Variants in RND1 observed in about 807,000 individuals in gnomAD.
RND1 encodes the protein rho-related GTP-binding protein Rho6.
In RND1, 9 loss-of-function variants were observed where a neutral mutation model predicts 27.1. That is an observed-to-expected ratio of 0.33 (90% CI 0.20 to 0.58). RND1 has a LOEUF of 0.58. Ranked by LOEUF, RND1 falls within the 20% of genes least tolerant of loss-of-function variation. The pLI is 0.86. For synonymous variants in RND1, 108 were observed against 115.7 expected (o/e 0.93, Z 0.43); for missense variants, 253 against 292.2 (o/e 0.87, Z 0.98).
At chr12:48,860,557 ATTTTTTTTT>A (rs34655698) in intron 4 of RND1, among the ~76,000 whole-genome samples, 3 of 70,636 alleles carry the variant, frequency 4.2e-5, no homozygotes, top group South Asian at 4.7e-4. Context: ...ACACCCAGCT[ATTTTTTTTT>A]TTTTTTTTTT....
chr12:48,862,768 C>A (rs2137509182), intron 2 of RND1, among the ~76,000 whole-genome samples: 2 of 152,266 alleles, frequency 1.3e-5, no homozygotes, highest in South Asian at 4.1e-4. Context: ...GAGGCTAGAG[C>A]AAGAGTCCTT....
chr12:48,865,533 A>G (rs1308586152), intron 1 of RND1, 115 bp downstream of exon 1: 2 of 1,233,452 alleles, frequency 1.6e-6, no homozygotes, highest in Non-Finnish European at 2.3e-6. Context: ...AGCCTCAGAA[A>G]GCGGCTGAGG....
intron 2 of RND1, among the ~76,000 whole-genome samples, chr12:48,862,389 T>C (rs901975006): frequency 6.6e-6 from 1 of 152,122 alleles, no homozygotes; most frequent in African/African-American, 2.4e-5. Flanking sequence ...TACAGCAGGC[T>C]TAATTGGAGA....
intron 1 of RND1, chr12:48,865,443 G>T (rs1195143263): frequency 5.0e-6 from 3 of 603,064 alleles, no homozygotes; most frequent in Non-Finnish European, 8.9e-6. Context: ...AGGAGCCAGC[G>T]GGGCGGCAGA....
Position 48,857,504 on chromosome 12 carries a change from T to C in RND1, c.*492A>G, listed in dbSNP as rs1385636072. On this transcript the variant is annotated 3_prime_UTR_variant, in exon 5 of 5. Transcript: ENST00000309739. ...CTCTGACCAGCTCCTGCACTTCCGATTGCAGTTACGAAGCACCTGGGCTAA... is the reference window on the plus strand; with the variant it reads ...CTCTGACCAGCTCCTGCACTTCCGACTGCAGTTACGAAGCACCTGGGCTAA... 1 of 154,686 alleles carries C rather than the reference T, an allele frequency of 6.5e-6. No individual in the cohort carries two copies. Among genetic ancestry groups the C allele is most frequent in the Non-Finnish European group, 1.4e-5 (1 of 69,498 alleles). The allele number at this position is 154,686 out of a possible 1,614,324, so 9.6% of individuals were successfully genotyped here.
chr12:48,860,095 T>TC (rs1212321933), intron 4 of RND1, among the ~76,000 whole-genome samples: 4 of 117,932 alleles, frequency 3.4e-5, no homozygotes, highest in African/African-American at 1.2e-4. Context: ...TTTTTTTTTT[T>TC]CCTTGAGACA....
At position 48,861,996 on chromosome 12, in the gene RND1, G is replaced by C. The variant is rs111499296; in HGVS notation, c.318+13C>G. On this transcript the variant is annotated intron_variant, in intron 3 of 4. Coordinates refer to ENST00000309739, the MANE Select transcript of RND1 (RefSeq NM_014470.4). Reference sequence around the variant, plus strand: ...ATGCTGAGTTAGAGATTAGAGAGTTGATCTAGTCTTACCTTCTTGAGTGCG... The same window carrying C: ...ATGCTGAGTTAGAGATTAGAGAGTTCATCTAGTCTTACCTTCTTGAGTGCG... 3.5e-6 allele frequency: 5 copies of C among 1,426,656 alleles called. No homozygotes were observed. The highest frequency in any genetic ancestry group is 2.8e-5 in the African/African-American group (2 of 71,510). 88.4% of individuals were successfully genotyped at this position (1,426,656 alleles called of 1,614,324 possible).
Position 48,861,028 on chromosome 12 carries a change from T to C in RND1, c.422A>G (p.His141Arg). The C allele has an allele frequency of 6.2e-7, 1 of 1,613,924 alleles. No individual in the cohort carries two copies. Among genetic ancestry groups the C allele is most frequent in the Non-Finnish European group, 8.5e-7 (1 of 1,180,048 alleles). Residue 141 changes from histidine to arginine, a missense_variant, in exon 4 of 5, where the codon CAC becomes CGC. By Grantham distance (29) the His-to-Arg change is conservative. Transcript: ENST00000309739. Reference sequence around the variant, plus strand: ...ATAGGAGATGGGCGCCTGCTTCTGGTGGGACAGCTCCATCAGAGTACTCAG... The same window carrying C: ...ATAGGAGATGGGCGCCTGCTTCTGGCGGGACAGCTCCATCAGAGTACTCAG... ...TDLSTLMELS[H>R]QKQAPISYEQ...
intron 1 of RND1, chr12:48,865,295 G>T: frequency 2.6e-6 from 1 of 389,718 alleles, no homozygotes; most frequent in Non-Finnish European, 4.8e-6. Flanking sequence ...TGAGGAGCAG[G>T]TGAGCGGATA....
In RND1 at chr12:48,857,946, G is replaced by C; in HGVS notation, c.*50C>G. On this transcript the variant is annotated 3_prime_UTR_variant, in exon 5 of 5. Transcript: ENST00000309739. ...TCATCCTCCCTCTCCCCGTGCCTCT[G>C]CACCCCAAGGGAGGAAGTAGGGGGT... 2 of 1,538,454 alleles carry C rather than the reference G, an allele frequency of 1.3e-6. No homozygotes were observed. The highest frequency in any genetic ancestry group is 1.7e-6 in the Non-Finnish European group (2 of 1,143,790).
chr12:48,865,009 G>A, intron 1 of RND1, 139 bp from the exon 2 acceptor site: 5 of 720,024 alleles, frequency 6.9e-6, no homozygotes, highest in Non-Finnish European at 1.3e-5. Flanking sequence ...TGGGGCAGGA[G>A]GGAAGGGACT....
At position 48,865,575 on chromosome 12, in the gene RND1, G is replaced by T; in HGVS notation, c.120+73C>A. 2.0e-6 allele frequency: 3 copies of T among 1,522,460 alleles called. No individual in the cohort carries two copies. The South Asian group carries it at 3.6e-5, about 18-fold the overall frequency. 94.3% of individuals were successfully genotyped at this position (1,522,460 alleles called of 1,614,324 possible). A position where few individuals can be genotyped will look rare whatever the true frequency, so the allele number is the denominator to read the frequency against. ...TGGGGCTGGGGGAGCCACGTCTCCT[G>T]AGCAGGTGGAAATCTACCCCAAGGC... On this transcript the variant is annotated intron_variant, in intron 1 of 4. Coordinates refer to ENST00000309739, the MANE Select transcript of RND1 (RefSeq NM_014470.4).
chr12:48,865,759 C>G lies in RND1; in HGVS notation c.9G>C (p.Glu3Asp), dbSNP rs140841652. The part of the protein sequence containing the change: MK[E>D]RRAPQPVVAR... ...CCACGACTGGCTGGGGGGCCCGTCT[C>G]TCCTTCATGGTTGCAGTGTCCGCGG... Residue 3 changes from glutamate (E) to aspartate (D), a missense_variant, in exon 1 of 5, where the codon GAG (glutamate) becomes GAC (aspartate). By Grantham distance (45) the Glu-to-Asp change is conservative. Coordinates refer to ENST00000309739, the MANE Select transcript of RND1 (RefSeq NM_014470.4). 7.5e-6 allele frequency: 12 copies of G among 1,601,196 alleles called. No homozygotes were observed. The highest frequency in any genetic ancestry group is 1.7e-6 in the Non-Finnish European group (2 of 1,170,664).
chr12:48,857,190 A>G lies in RND1; in HGVS notation c.*806T>C, dbSNP rs1373901249. 1 of 152,284 alleles carries G rather than the reference A, an allele frequency of 6.6e-6. No homozygotes were observed. The highest frequency in any genetic ancestry group is 1.5e-5 in the Non-Finnish European group (1 of 68,044). The allele number at this position is 152,284 out of a possible 1,614,324, so 9.4% of individuals were successfully genotyped here. On this transcript the variant is annotated 3_prime_UTR_variant, in exon 5 of 5. Coordinates refer to ENST00000309739, the MANE Select transcript of RND1 (RefSeq NM_014470.4). The stretch of plus-strand genomic sequence containing the variant: ...TTTCATTAATAAATAGGTTTTCTTC[A>G]TTAAACACAGAACATATAACAGATT...
chr12:48,862,784 GA>G (rs1390027794), intron 2 of RND1, among the ~76,000 whole-genome samples: 1 of 152,316 alleles, frequency 6.6e-6, no homozygotes, highest in East Asian at 1.9e-4. Flanking sequence ...TCCTTCGTTG[GA>G]AGGGAAATAG....
chr12:48,861,963 TG>T, intron 3 of RND1, 45 bp downstream of exon 3: 2 of 1,101,704 alleles, frequency 1.8e-6, no homozygotes, highest in Admixed American at 3.4e-5. Flanking sequence ...GATTCCTTCT[TG>T]GTCCTCATGC....
intron 1 of RND1, 42 bp downstream of exon 1, chr12:48,865,606 G>A: frequency 3.2e-6 from 5 of 1,581,692 alleles, no homozygotes; most frequent in Non-Finnish European, 4.3e-6. Context: ...AAGGCGGGCA[G>A]GCAGGGAGAA....
In RND1 at chr12:48,858,261, C is replaced by T; in HGVS notation, c.454-20G>A. On this transcript the variant is annotated intron_variant, in intron 4 of 4. Transcript: ENST00000309739. ...ACAACCCTGCAGGAGGGGGTGAGGG[C>T]ATTAATGCAGTGGGCCAAAATGGCT... 6.2e-7 allele frequency: 1 copy of T among 1,609,798 alleles called. No homozygotes were observed. Among genetic ancestry groups the T allele is most frequent in the Admixed American group, 1.7e-5 (1 of 59,800 alleles).
chr12:48,858,507 A>G lies in RND1; in HGVS notation c.454-266T>C, dbSNP rs754397527. The stretch of plus-strand genomic sequence containing the variant: ...ACTCTTAAAACTATATTGATGCCAA[A>G]CTAAATTAGAATTTCTGGGGATAGC... On this transcript the variant is annotated intron_variant, in intron 4 of 4. Coordinates refer to ENST00000309739, the MANE Select transcript of RND1 (RefSeq NM_014470.4). The G allele has an allele frequency of 1.3e-4, 42 of 331,030 alleles. 2 individuals are homozygous for G. Among genetic ancestry groups the G allele is most frequent in the Non-Finnish European group, 1.9e-4 (34 of 183,174 alleles). 20.5% of individuals were successfully genotyped at this position (331,030 alleles called of 1,614,324 possible). A position where few individuals can be genotyped will look rare whatever the true frequency, so the allele number is the denominator to read the frequency against.
Sources: allele counts gnomAD v4.1 joint callset (sites outside exome capture counted in the v4.1 genomes callset), GRCh38; gene constraint gnomAD v4.1.1; transcripts MANE v1.5; gene names NCBI Gene and HGNC (gene_info 2026-07-23, HGNC 2026-07-21).